Variants in TNRC18 observed in about 807,000 individuals in gnomAD.
TNRC18 encodes the protein trinucleotide repeat-containing gene 18 protein.
Under a neutral mutation model 226.7 loss-of-function variants are expected in TNRC18, and 69 were observed. That is an observed-to-expected ratio of 0.30 (90% CI 0.25 to 0.37). The LOEUF is 0.37. TNRC18 is among the 10% of genes least tolerant of loss of function. The pLI, the probability that TNRC18 is intolerant of heterozygous loss-of-function variation, is 1.00. For missense variants in TNRC18, 4,754 were observed against 4,256.6 expected, an observed-to-expected ratio of 1.12 and a Z score of -3.25; for synonymous variants, 2,449 against 1,927.6, an observed-to-expected ratio of 1.27 and a Z score of -7.09.
chr7:5,320,440 G>C lies in TNRC18; in HGVS notation c.6637-14C>G. On this transcript the variant is annotated splice_polypyrimidine_tract_variant and intron_variant, in intron 23 of 29. Coordinates refer to ENST00000430969, the MANE Select transcript of TNRC18 (RefSeq NM_001080495.3). Reference sequence around the variant, plus strand: ...CACATCGATGATCTAGAAGGGCATGGGATGAGTGCAAGGTGTGGACACAGT... The same window carrying C: ...CACATCGATGATCTAGAAGGGCATGCGATGAGTGCAAGGTGTGGACACAGT... 3.8e-6 allele frequency: 6 copies of C among 1,562,314 alleles called. No homozygotes were observed. Among genetic ancestry groups the C allele is most frequent in the Non-Finnish European group, 5.2e-6 (6 of 1,153,310 alleles).
rs371435513 is a variant in TNRC18, at chr7:5,363,325, A to G, written c.4220-500T>C. Among the ~76,000 whole-genome samples the G allele has an allele frequency of 6.1e-4, 92 of 151,730 alleles. 3 individuals carry two copies. In the South Asian group the frequency reaches 6.9e-3, roughly 11 times the overall value. On this transcript the variant is annotated intron_variant, in intron 11 of 29. Coordinates refer to ENST00000430969, the MANE Select transcript of TNRC18 (RefSeq NM_001080495.3). ...CTCAAAAAAAATAAATAAATAGGCC[A>G]GGCGTGGTGGCTCACGCCTGTAATC...
rs1276442316 is a variant in TNRC18, at chr7:5,321,219, T to G, written c.6443-29A>C. 3.3e-6 allele frequency: 5 copies of G among 1,497,662 alleles called. No homozygotes were observed. In the African/African-American group the frequency reaches 6.9e-5, roughly 21 times the overall value. The allele number at this position is 1,497,662 out of a possible 1,614,324, so 92.8% of individuals were successfully genotyped here. On this transcript the variant is annotated intron_variant, in intron 21 of 29. Transcript: ENST00000430969. ...CAGGGGTTGGATCGTGAGGCGAGGC[T>G]GGAGCCGGGGGCGTCTGCGACACCT... is the stretch of plus-strand genomic sequence containing the variant.
intron 24 of TNRC18, among the ~76,000 whole-genome samples, chr7:5,317,777 C>G (rs896380861): frequency 6.6e-6 from 1 of 150,906 alleles, no homozygotes; most frequent in Non-Finnish European, 1.5e-5. Flanking sequence ...GCAATCATAG[C>G]TCACTGCAGC....
Position 5,374,264 on chromosome 7 carries a change from T to C in TNRC18, c.3020A>G (p.Lys1007Arg), listed in dbSNP as rs1200978922. ...CACGTCCTCCAGCTTCTGGATGACCTTGGCCTTCAGGGCAGCCACAGGGGA... is the reference window on the plus strand; with the variant it reads ...CACGTCCTCCAGCTTCTGGATGACCCTGGCCTTCAGGGCAGCCACAGGGGA... The part of the protein sequence containing the change: ...RASPVAALKA[K>R]VIQKLEDVSK... The change falls in exon 10 of 30, where the codon AAG (lysine) becomes AGG (arginine). Residue 1007 changes from lysine to arginine, a missense_variant. Transcript: ENST00000430969. 3 of 1,495,814 alleles carry C rather than the reference T, an allele frequency of 2.0e-6. No individual in the cohort carries two copies. The highest frequency in any genetic ancestry group is 2.6e-5 in the East Asian group (1 of 38,644). 92.7% of individuals were successfully genotyped at this position (1,495,814 alleles called of 1,614,324 possible). A position where few individuals can be genotyped will look rare whatever the true frequency, so the allele number is the denominator to read the frequency against.
At chr7:5,407,681 G>C (rs924696767) in intron 2 of TNRC18, among the ~76,000 whole-genome samples, 2 of 152,268 alleles carry the variant, frequency 1.3e-5, no homozygotes, top group African/African-American at 4.8e-5. Flanking sequence ...AGGCGGCCAA[G>C]GAGAGGTCAA....
intron 2 of TNRC18, among the ~76,000 whole-genome samples, chr7:5,400,909 G>T (rs998022814): frequency 6.6e-6 from 1 of 152,060 alleles, no homozygotes; most frequent in African/African-American, 2.4e-5. Flanking sequence ...CGGGTGTGGT[G>T]GTGCACGCCT....
Position 5,362,089 on chromosome 7 carries a change from C to T in TNRC18, c.4396-56G>A. ...GTGAGGATGCCACTGCCTAACGACG[C>T]CCACCGCCCACCCAGGGGTGCCCCT... On this transcript the variant is annotated intron_variant, in intron 12 of 29. Transcript: ENST00000430969. The T allele has an allele frequency of 2.5e-6, 4 of 1,584,614 alleles. No homozygotes were observed. In the Admixed American group the frequency reaches 5.2e-5, roughly 21 times the overall value.
chr7:5,316,639 G>A (rs116973489), intron 24 of TNRC18, among the ~76,000 whole-genome samples: 9,093 of 152,158 alleles, frequency 0.06, 353 homozygotes, highest in South Asian at 0.13. Flanking sequence ...ATGCACCTGC[G>A]CCCGCTCATG....
At chr7:5,408,557 G>C (rs1781634817) in intron 2 of TNRC18, among the ~76,000 whole-genome samples, 2 of 151,878 alleles carry the variant, frequency 1.3e-5, no homozygotes, top group South Asian at 4.2e-4. Context: ...AGAATCGCTT[G>C]AACCTAGGAG....
intron 5 of TNRC18, among the ~76,000 whole-genome samples, chr7:5,379,783 G>A (rs950776114): frequency 2.6e-5 from 4 of 152,206 alleles, no homozygotes; most frequent in South Asian, 2.1e-4. Flanking sequence ...CCTGCCCGTC[G>A]GCTCCCAGGT....
rs752713362 is a variant in TNRC18, at chr7:5,332,658, G to A, written c.6111C>T (p.Asp2037=). ...AKGGPLSPRK[D]AGRAKDRKDP... Reference sequence around the variant, plus strand: ...CCTTCCTGTCCTTTGCACGCCCGGCGTCCTTGCGCGGGCTCAGGGGGCCGC... The same window carrying A: ...CCTTCCTGTCCTTTGCACGCCCGGCATCCTTGCGCGGGCTCAGGGGGCCGC... The change falls in exon 19 of 30, where the codon GAC becomes GAT. Residue 2037 remains aspartate (D), a synonymous_variant. Coordinates refer to ENST00000430969, the MANE Select transcript of TNRC18 (RefSeq NM_001080495.3). The A allele has an allele frequency of 7.9e-5, 121 of 1,530,834 alleles. No individual in the cohort carries two copies. The highest frequency in any genetic ancestry group is 9.8e-5 in the Non-Finnish European group (112 of 1,141,414). The allele number at this position is 1,530,834 out of a possible 1,614,324, so 94.8% of individuals were successfully genotyped here.
At chr7:5,359,623 C>T in intron 14 of TNRC18, 54 bp from the exon 15 acceptor site, 1 of 1,606,120 alleles carries the variant, frequency 6.2e-7, no homozygotes, top group South Asian at 1.1e-5. Context: ...GGCTCGCAGG[C>T]TGAGGTCCAC....
chr7:5,328,512 C>CTT (rs144919082), intron 19 of TNRC18, among the ~76,000 whole-genome samples: 5 of 143,060 alleles, frequency 3.5e-5, no homozygotes, highest in Non-Finnish European at 6.1e-5. Flanking sequence ...CCGCCGCCGC[C>CTT]TTTTTTTTTT....
chr7:5,393,052 G>A (rs947146735), intron 3 of TNRC18, among the ~76,000 whole-genome samples: 8 of 152,238 alleles, frequency 5.3e-5, no homozygotes, highest in African/African-American at 1.2e-4. Context: ...GGCAGGGCTG[G>A]CTCTGAGGCT....
intron 18 of TNRC18, 41 bp downstream of exon 18, chr7:5,345,521 C>CCCCCCCCCCCCCCCCCCCCCCCCCCA: frequency 1.6e-5 from 3 of 189,874 alleles, no homozygotes; most frequent in Non-Finnish European, 3.3e-5. Context: ...GCGTCCGCCC[C>CCCCCCCCCCCCCCCCCCCCCCCCCCA]TCCCACCCAC....
intron 19 of TNRC18, 36 bp downstream of exon 19, chr7:5,332,586 C>T (rs1025046333): frequency 5.3e-6 from 8 of 1,503,834 alleles, no homozygotes; most frequent in South Asian, 5.0e-5. Flanking sequence ...ACCCCAGGGA[C>T]CCTTCTGCGG....
At position 5,376,037 on chromosome 7, in the gene TNRC18, G is replaced by C. The variant is rs781618026; in HGVS notation, c.2796C>G (p.Leu932=). ...QALELQRSAQ[L]VQERLKAQEH... is the part of the protein sequence containing the mutation. ...CGCCTCATCCTCCCCGACTTACCAC[G>C]AGCTGGGCGCTCCTCTGCAGTTCCA... Residue 932 remains leucine, a synonymous_variant, in exon 9 of 30, where the codon CTC becomes CTG. Coordinates refer to ENST00000430969, the MANE Select transcript of TNRC18 (RefSeq NM_001080495.3). 64 of 1,591,456 alleles carry C rather than the reference G, an allele frequency of 4.0e-5. No homozygotes were observed. Among genetic ancestry groups the C allele is most frequent in the Non-Finnish European group, 5.1e-5 (60 of 1,170,696 alleles).
At position 5,361,699 on chromosome 7, in the gene TNRC18, C is replaced by T. The variant is rs1042516087; in HGVS notation, c.4556G>A (p.Arg1519Lys). 1.3e-6 allele frequency: 2 copies of T among 1,567,938 alleles called. No homozygotes were observed. Among genetic ancestry groups the T allele is most frequent in the Non-Finnish European group, 1.7e-6 (2 of 1,157,146 alleles). ...DSEDRREEPH[R>K]SLARRGPGRP... is the part of the protein sequence containing the mutation. ...GCCAGGGCCTCTGCGTGCCAAGCTT[C>T]TATGGGGTTCCTCGCGCCTGTCCCT... Residue 1519 changes from arginine to lysine, a missense_variant, in exon 14 of 30, where the codon AGA becomes AAA. Transcript: ENST00000430969.
chr7:5,375,914 C>A, intron 9 of TNRC18, 120 bp downstream of exon 9: 1 of 1,019,624 alleles, frequency 9.8e-7, no homozygotes, highest in Non-Finnish European at 1.4e-6. Context: ...CCCTGACCAC[C>A]TGCCCCTCTG....
Sources: gnomAD v4.1 joint callset for allele counts (sites outside exome capture counted in the v4.1 genomes callset) on GRCh38, gnomAD v4.1.1 for gene constraint, MANE v1.5 for transcripts, NCBI Gene and HGNC (gene_info 2026-07-23, HGNC 2026-07-21) for gene names.